Variants in CLMP observed in about 807,000 individuals in gnomAD.
CLMP encodes CXADR like cell adhesion molecule.
A neutral mutation model predicts 45.2 loss-of-function variants in CLMP; 27 were observed. The ratio of observed to expected loss-of-function variants is 0.60; its 90% CI spans 0.44 to 0.82. The LOEUF is 0.82. CLMP is among the 40% of genes least tolerant of loss of function. CLMP has a pLI of 0.00. For missense variants in CLMP, 403 were observed against 448.4 expected (o/e 0.90, Z 0.91); for synonymous variants, 167 against 171.4 (o/e 0.97, Z 0.20).
intron 1 of CLMP, among the ~76,000 whole-genome samples, chr11:123,102,057 GC>G (rs1388857599): frequency 6.6e-6 from 1 of 151,928 alleles, no homozygotes; most frequent in Non-Finnish European, 1.5e-5. Context: ...TGGCGGCCCA[GC>G]CTGTAGTCCC....
Position 123,097,903 on chromosome 11 carries a change from C to T in CLMP, c.78G>A (p.Val26=). The T allele has an allele frequency of 6.2e-7, 1 of 1,608,562 alleles. No individual in the cohort carries two copies. The highest frequency in any genetic ancestry group is 2.2e-5 in the East Asian group (1 of 44,560). The change falls in exon 2 of 7, where the codon GTG becomes GTA. Residue 26 remains valine, a synonymous_variant. Transcript: ENST00000448775. Reference sequence around the variant, plus strand: ...AGGGCAAAGTGACCTTTTCCTCTGCCACTCTCTTGATCTCAGTGTGAGTCC... The same window carrying T: ...AGGGCAAAGTGACCTTTTCCTCTGCTACTCTCTTGATCTCAGTGTGAGTCC... ...TLGTHTEIKR[V]AEEKVTLPCH... is the part of the protein sequence containing the mutation.
chr11:123,175,550 C>T (rs1178736069), intron 1 of CLMP, among the ~76,000 whole-genome samples: 2 of 152,182 alleles, frequency 1.3e-5, no homozygotes, highest in South Asian at 2.1e-4. Flanking sequence ...CCCAGGCTGA[C>T]GGGCTCAAGA....
rs190259810 is a variant in CLMP, at chr11:123,147,527, C to G, written c.28+47386G>C. Among the ~76,000 whole-genome samples, 471 of 152,316 alleles carry G rather than the reference C, an allele frequency of 3.1e-3. 2 individuals carry two copies. The highest frequency in any genetic ancestry group is 4.6e-3 in the Non-Finnish European group (313 of 68,022). ...ATGTGGGCTGAAGTGATCCTCCTGCCTCAGCCTCCCAAAGTGCTAGGATTA... is the reference window on the plus strand; with the variant it reads ...ATGTGGGCTGAAGTGATCCTCCTGCGTCAGCCTCCCAAAGTGCTAGGATTA... On this transcript the variant is annotated intron_variant, in intron 1 of 6. Transcript: ENST00000448775.
At chr11:123,129,265 G>A (rs1431719057) in intron 1 of CLMP, among the ~76,000 whole-genome samples, 1 of 151,222 alleles carries the variant, frequency 6.6e-6, no homozygotes, top group Non-Finnish European at 1.5e-5. Flanking sequence ...GGGAGGCAGA[G>A]GTTGCAGTGA....
chr11:123,142,275 T>C (rs954262192), intron 1 of CLMP, among the ~76,000 whole-genome samples: 11 of 151,884 alleles, frequency 7.2e-5, no homozygotes, highest in Non-Finnish European at 1.6e-4. Context: ...CGTAAGTCAC[T>C]GCGCCTGGCT....
intron 1 of CLMP, among the ~76,000 whole-genome samples, chr11:123,137,340 A>G (rs1861091381): frequency 6.7e-6 from 1 of 148,716 alleles, no homozygotes; most frequent in Non-Finnish European, 1.5e-5. Context: ...TTTTTAGTAG[A>G]GACGGGGTAG....
chr11:123,194,972 C>T lies in CLMP; in HGVS notation c.-32G>A. On this transcript the variant is annotated 5_prime_UTR_variant, in exon 1 of 7. An upstream open reading frame in the 5' UTR loses its in-frame stop. Transcript: ENST00000448775. Reference sequence around the variant, plus strand: ...CCCCGGACGCGGGCGCTTCCCCGCTCAGCTGCTGCTTGGCTCCGGGGCGGC... The same window carrying T: ...CCCCGGACGCGGGCGCTTCCCCGCTTAGCTGCTGCTTGGCTCCGGGGCGGC... 1.9e-6 allele frequency: 3 copies of T among 1,609,564 alleles called. No individual in the cohort carries two copies. Among genetic ancestry groups the T allele is most frequent in the Non-Finnish European group, 2.5e-6 (3 of 1,178,036 alleles).
chr11:123,145,873 C>T (rs1322305046), intron 1 of CLMP, among the ~76,000 whole-genome samples: 1 of 152,202 alleles, frequency 6.6e-6, no homozygotes, highest in African/African-American at 2.4e-5. Context: ...AGGAAATTAG[C>T]GCCATCTGCT....
At chr11:123,100,946 C>T (rs1866050716) in intron 1 of CLMP, among the ~76,000 whole-genome samples, 2 of 152,056 alleles carry the variant, frequency 1.3e-5, no homozygotes, top group African/African-American at 4.8e-5. Context: ...CCTCCCCCAC[C>T]GCCTGCCCCC....
intron 1 of CLMP, among the ~76,000 whole-genome samples, chr11:123,194,543 G>A (rs1267634551): frequency 6.6e-6 from 1 of 152,102 alleles, no homozygotes; most frequent in East Asian, 1.9e-4. Flanking sequence ...GGAGGCGCCT[G>A]TTTGAAACAA....
At chr11:123,119,053 CT>C in intron 1 of CLMP, among the ~76,000 whole-genome samples, 1 of 8,960 alleles carries the variant, frequency 1.1e-4, no homozygotes, top group South Asian at 1.8e-3. Context: ...CTCCCTCTCC[CT>C]CTCTCTCTCT....
intron 1 of CLMP, among the ~76,000 whole-genome samples, chr11:123,118,924 T>TTTC (rs1860754121): frequency 1.5e-5 from 2 of 135,412 alleles, no homozygotes; most frequent in South Asian, 2.3e-4. Context: ...TTGCATTTTC[T>TTTC]TTTCTTTTCT....
intron 1 of CLMP, among the ~76,000 whole-genome samples, chr11:123,119,947 A>C (rs1860790220): frequency 6.6e-6 from 1 of 152,190 alleles, no homozygotes; most frequent in Non-Finnish European, 1.5e-5. Flanking sequence ...CTGGCCTCCC[A>C]AACTGCTGGA....
intron 1 of CLMP, among the ~76,000 whole-genome samples, chr11:123,139,474 T>A (rs1861124658): frequency 6.6e-6 from 1 of 152,156 alleles, no homozygotes; most frequent in Non-Finnish European, 1.5e-5. Context: ...ACATCTGCAA[T>A]ACAAAGGAGT....
chr11:123,114,012 A>G (rs1189866078), intron 1 of CLMP, among the ~76,000 whole-genome samples: 2 of 152,214 alleles, frequency 1.3e-5, no homozygotes, highest in Non-Finnish European at 2.9e-5. Context: ...TCAGAGATCC[A>G]GATCTCATGC....
At position 123,088,830 on chromosome 11, in the gene CLMP, G is replaced by T. The variant is rs558509487; in HGVS notation, c.187-4117C>A. Among the ~76,000 whole-genome samples, 4 of 152,188 alleles carry T rather than the reference G, an allele frequency of 2.6e-5. No homozygotes were observed. In the South Asian group the frequency reaches 6.2e-4, roughly 24 times the overall value. ...GTAGAGACGGGGTTTTACCATGTTG[G>T]TCAGGCTGGTCTCGAACTCCTGACC... is the stretch of plus-strand genomic sequence containing the variant. On this transcript the variant is annotated intron_variant, in intron 2 of 6. Transcript: ENST00000448775.
At chr11:123,155,470 T>C (rs903978304) in intron 1 of CLMP, among the ~76,000 whole-genome samples, 2 of 151,736 alleles carry the variant, frequency 1.3e-5, no homozygotes, top group Non-Finnish European at 2.9e-5. Context: ...ACACAGTAAA[T>C]TCGTTCTCTC....
rs140268391 is a variant in CLMP at position 123,166,545 on chromosome 11, C to T, written c.28+28368G>A. ...CAGGCCGTGTTTGGACTAGAAGGCC[C>T]GTGACCCTTCCCCAGTGTGGGAGAA... On this transcript the variant is annotated intron_variant, in intron 1 of 6. Transcript: ENST00000448775. Among the ~76,000 whole-genome samples the T allele has an allele frequency of 9.1e-4, 139 of 152,336 alleles. 1 individual carries two copies. The highest frequency in any genetic ancestry group is 3.1e-3 in the African/African-American group (128 of 41,580).
chr11:123,106,787 G>A (rs958598641), intron 1 of CLMP, among the ~76,000 whole-genome samples: 17 of 151,970 alleles, frequency 1.1e-4, no homozygotes, highest in Admixed American at 6.6e-4. Flanking sequence ...TTGGGAGGTC[G>A]AGGTGGGCGG....
Sources: allele counts gnomAD v4.1 joint callset (sites outside exome capture counted in the v4.1 genomes callset), GRCh38; gene constraint gnomAD v4.1.1; transcripts MANE v1.5; gene names NCBI Gene and HGNC (gene_info 2026-07-23, HGNC 2026-07-21).